Variants in GRIN2D observed in about 807,000 individuals in gnomAD.
GRIN2D encodes the protein glutamate ionotropic receptor NMDA type subunit 2D, also known as glutamate receptor ionotropic, NMDA 2D.
GRIN2D carries 37 observed loss-of-function variants against 103.2 expected under a neutral mutation model. The ratio of observed to expected loss-of-function variants is 0.36; its 90% CI spans 0.28 to 0.47. The LOEUF (loss-of-function observed/expected upper bound fraction) is 0.47, where lower values mean the gene tolerates loss of function less well. Ranked by LOEUF, GRIN2D falls within the 20% of genes least tolerant of loss-of-function variation. The pLI is 1.00. For missense variants in GRIN2D, 1,557 were observed against 1,910.6 expected, an observed-to-expected ratio of 0.81 and a Z score of 3.45; for synonymous variants, 845 against 885.6, an observed-to-expected ratio of 0.95 and a Z score of 0.81.
chr19:48,430,410 G>A (rs1971140772), intron 11 of GRIN2D, among the ~76,000 whole-genome samples: 1 of 152,134 alleles, frequency 6.6e-6, no homozygotes, highest in African/African-American at 2.4e-5. Context: ...TGTTGGCCAG[G>A]CTGGTCTCAA....
In GRIN2D at chr19:48,419,363, A is replaced by G; in HGVS notation, c.1861+4A>G. 1 of 1,598,372 alleles carries G rather than the reference A, an allele frequency of 6.3e-7. No homozygotes were observed. The highest frequency in any genetic ancestry group is 8.5e-7 in the Non-Finnish European group (1 of 1,177,112). On this transcript the variant is annotated splice_donor_region_variant and intron_variant, in intron 9 of 13. Transcript: ENST00000263269. ...CGCAGCCTGGCCACGGGCAAGCGTG[A>G]GTCCCCCTTCCTCCATCCCCCGCCT...
chr19:48,395,835 G>C (rs1970633103), intron 2 of GRIN2D, among the ~76,000 whole-genome samples: 1 of 152,042 alleles, frequency 6.6e-6, no homozygotes, highest in South Asian at 2.1e-4. Context: ...TGGGTCCTTG[G>C]GGGAAGAGGG....
intron 3 of GRIN2D, among the ~76,000 whole-genome samples, chr19:48,403,503 G>A (rs570069557): frequency 4.6e-5 from 7 of 152,182 alleles, no homozygotes; most frequent in Middle Eastern, 3.4e-3. Flanking sequence ...GAATAGTTAT[G>A]AGTGGCTAAC....
intron 11 of GRIN2D, among the ~76,000 whole-genome samples, chr19:48,438,506 G>C (rs545974626): frequency 6.6e-6 from 1 of 152,004 alleles, no homozygotes; most frequent in Admixed American, 6.6e-5. Context: ...CACCGTGTTA[G>C]CCAGGATGGT....
At chr19:48,441,471 G>T (rs191983050) in intron 11 of GRIN2D, among the ~76,000 whole-genome samples, 1 of 152,148 alleles carries the variant, frequency 6.6e-6, no homozygotes, top group Non-Finnish European at 1.5e-5. Flanking sequence ...CCTGCTACTG[G>T]GGAGGCTGAG....
chr19:48,439,040 A>G (rs1429478253), intron 11 of GRIN2D, among the ~76,000 whole-genome samples: 3 of 148,302 alleles, frequency 2.0e-5, no homozygotes, highest in African/African-American at 4.9e-5. Context: ...TTGGCCTCCC[A>G]AAGTGTTGGG....
intron 4 of GRIN2D, among the ~76,000 whole-genome samples, chr19:48,406,538 T>C (rs1304424894): frequency 6.6e-6 from 1 of 152,132 alleles, no homozygotes; most frequent in Non-Finnish European, 1.5e-5. Context: ...ACTGGTGACT[T>C]GGGAATCAGG....
At chr19:48,424,354 G>A (rs935546766) in intron 11 of GRIN2D, among the ~76,000 whole-genome samples, 6 of 143,682 alleles carry the variant, frequency 4.2e-5, no homozygotes, top group Non-Finnish European at 7.5e-5. Flanking sequence ...CACTGCAAGC[G>A]CCGCCTCCCG....
chr19:48,399,149 A>G (rs1970679999), intron 3 of GRIN2D, among the ~76,000 whole-genome samples: 1 of 151,954 alleles, frequency 6.6e-6, no homozygotes, highest in East Asian at 1.9e-4. Context: ...ATTGCAGGTA[A>G]GGGTCTGTAG....
At chr19:48,408,819 TAAA>T (rs58654942) in intron 4 of GRIN2D, among the ~76,000 whole-genome samples, 18 of 141,266 alleles carry the variant, frequency 1.3e-4, no homozygotes, top group African/African-American at 3.9e-4. Context: ...GACTCTGTCT[TAAA>T]AAAAAAAAAA....
intron 4 of GRIN2D, among the ~76,000 whole-genome samples, chr19:48,412,734 A>C (rs1970889529): frequency 6.6e-6 from 1 of 151,030 alleles, no homozygotes; most frequent in African/African-American, 2.4e-5. Flanking sequence ...GGTTGCAGTG[A>C]GCTGAGACCA....
chr19:48,397,953 T>C (rs1351847263), intron 2 of GRIN2D, among the ~76,000 whole-genome samples: 1 of 151,798 alleles, frequency 6.6e-6, no homozygotes, highest in Non-Finnish European at 1.5e-5. Flanking sequence ...TCTCGCCCTA[T>C]CTCTGCGTCT....
In GRIN2D at chr19:48,444,235, G is replaced by C. The variant is rs1359623247; in HGVS notation, c.*298G>C. Reference sequence around the variant, plus strand: ...CACCAGATGGGGCGGGAGGTGGGGGGTTCACGCCACTCCCGCGTCCCACCT... The same window carrying C: ...CACCAGATGGGGCGGGAGGTGGGGGCTTCACGCCACTCCCGCGTCCCACCT... On this transcript the variant is annotated 3_prime_UTR_variant, in exon 14 of 14. Coordinates refer to ENST00000263269, the MANE Select transcript of GRIN2D (RefSeq NM_000836.4). The surrounding 1 kb of genome is among the most constrained non-coding windows in gnomAD (Gnocchi z 5.5). 7.4e-6 allele frequency: 2 copies of C among 272,052 alleles called. No individual in the cohort carries two copies. The highest frequency in any genetic ancestry group is 4.4e-5 in the African/African-American group (2 of 45,408). The allele number at this position is 272,052 out of a possible 1,614,324, so 16.9% of individuals were successfully genotyped here. A position where few individuals can be genotyped will look rare whatever the true frequency, so the allele number is the denominator to read the frequency against.
At chr19:48,423,126 G>A (rs751352520) in intron 11 of GRIN2D, among the ~76,000 whole-genome samples, 8 of 152,194 alleles carry the variant, frequency 5.3e-5, no homozygotes, top group Non-Finnish European at 1.0e-4. Flanking sequence ...CAGGAGGATC[G>A]CTTGAATGCA....
chr19:48,409,145 C>T (rs1424357177), intron 4 of GRIN2D, among the ~76,000 whole-genome samples: 1 of 152,048 alleles, frequency 6.6e-6, no homozygotes, highest in Non-Finnish European at 1.5e-5. Context: ...GAAGATCAAG[C>T]AAACCCACTC....
intron 8 of GRIN2D, 36 bp downstream of exon 8, chr19:48,416,191 G>C (rs752501345): frequency 1.1e-5 from 17 of 1,600,468 alleles, no homozygotes; most frequent in Middle Eastern, 1.7e-4. Flanking sequence ...GCTAGCCCTA[G>C]GCAAAGTAGC....
At chr19:48,434,230 A>G (rs10414237) in intron 11 of GRIN2D, among the ~76,000 whole-genome samples, 145,248 of 151,948 alleles carry the variant, frequency 0.96, 69,575 homozygotes, top group African/African-American at 0.99. Context: ...CATTACAGGC[A>G]CAAGCCACCG....
At position 48,443,973 on chromosome 19, in the gene GRIN2D, C is replaced by A; in HGVS notation, c.*36C>A. 2.3e-6 allele frequency: 3 copies of A among 1,316,658 alleles called. No homozygotes were observed. The highest frequency in any genetic ancestry group is 2.0e-6 in the Non-Finnish European group (2 of 1,021,896). The allele number at this position is 1,316,658 out of a possible 1,614,324, so 81.6% of individuals were successfully genotyped here. ...GGGGCCCCACCGCCCCCTTGGTCAG[C>A]GCAGGCCACGGCCCGAGGGGGCGCC... On this transcript the variant is annotated 3_prime_UTR_variant, in exon 14 of 14. Coordinates refer to ENST00000263269, the MANE Select transcript of GRIN2D (RefSeq NM_000836.4). This position sits in a 1 kb window ranked among gnomAD's most constrained non-coding sequence, Gnocchi z 8.9.
Position 48,414,990 on chromosome 19 carries a change from C to CG in GRIN2D, c.1541dup (p.Lys516GlufsTer128), listed in dbSNP as rs746379490. On this transcript the variant is annotated frameshift_variant, in exon 7 of 14. Transcript: ENST00000263269. LOFTEE classifies it high-confidence loss of function. This position sits in a 1 kb window ranked among gnomAD's most constrained non-coding sequence, Gnocchi z 4.6. ...TCTACCTGGTCACCAATGGCAAGCA[C>CG]GGAAAGAAGATCGATGGCGTCTGGA... 6.2e-7 allele frequency: 1 copy of CG among 1,607,954 alleles called. No individual in the cohort carries two copies. Among genetic ancestry groups the CG allele is most frequent in the Admixed American group, 1.7e-5 (1 of 59,312 alleles).
Sources: gnomAD v4.1 joint callset for allele counts (sites outside exome capture counted in the v4.1 genomes callset) on GRCh38, gnomAD v4.1.1 for gene constraint, Gnocchi (gnomAD v3.1) non-coding constraint, MANE v1.5 for transcripts, NCBI Gene and HGNC (gene_info 2026-07-23, HGNC 2026-07-21) for gene names.